The following DIAPH3 variants were observed in gnomAD, a reference collection of about 807,000 sequenced individuals.
DIAPH3 encodes diaphanous related formin 3, also known as protein diaphanous homolog 3.
Under a neutral mutation model 144.3 loss-of-function variants are expected in DIAPH3, and 117 were observed. The observed-to-expected ratio is 0.81, with a 90% CI of 0.70 to 0.95. DIAPH3 has a LOEUF of 0.95. Among genes scored for constraint, DIAPH3 ranks in the 40% least tolerant of loss-of-function variants. The probability of loss-of-function intolerance (pLI) is 0.00; values close to 1 mark genes in which losing one functional copy is unlikely to be tolerated. For missense variants in DIAPH3, 1,421 were observed against 1,412.7 expected, an observed-to-expected ratio of 1.01 and a Z score of -0.09; for synonymous variants, 519 against 488.9, an observed-to-expected ratio of 1.06 and a Z score of -0.81.
chr13:59,810,662 A>T, intron 25 of DIAPH3, 126 bp downstream of exon 25: 1 of 1,036,556 alleles, frequency 9.6e-7, no homozygotes, highest in Non-Finnish European at 1.4e-6. Context: ...GAATTGTTCT[A>T]TGGTTTAATT....
chr13:59,775,418 A>G (rs1175456051), intron 25 of DIAPH3, among the ~76,000 whole-genome samples: 4 of 151,706 alleles, frequency 2.6e-5, no homozygotes, highest in African/African-American at 9.7e-5. Flanking sequence ...AATTTTTTGT[A>G]TTTTTAGTAG....
chr13:59,870,642 AT>A (rs1413836241), intron 21 of DIAPH3, among the ~76,000 whole-genome samples: 1 of 144,872 alleles, frequency 6.9e-6, no homozygotes, highest in Non-Finnish European at 1.5e-5. Flanking sequence ...ATCTTCTTTG[AT>A]TTTTTTCAAA....
chr13:59,713,232 C>A (rs1279098625), intron 27 of DIAPH3, among the ~76,000 whole-genome samples: 1 of 149,782 alleles, frequency 6.7e-6, no homozygotes, highest in Admixed American at 6.6e-5. Context: ...CTGTAGTAAT[C>A]TGAAGGTTTT....
chr13:59,992,095 C>T lies in DIAPH3; in HGVS notation c.1217G>A (p.Arg406His), dbSNP rs374035547. 7 of 1,611,640 alleles carry T rather than the reference C, an allele frequency of 4.3e-6. No homozygotes were observed. Among genetic ancestry groups the T allele is most frequent in the South Asian group, 3.3e-5 (3 of 91,032 alleles). The change falls in exon 11 of 28, where the codon CGC (arginine) becomes CAC (histidine). Residue 406 changes from arginine (R) to histidine (H), a missense_variant. Coordinates refer to ENST00000400324, the MANE Select transcript of DIAPH3 (RefSeq NM_001042517.2). Reference sequence around the variant, plus strand: ...AAGTTCAGCTCTAATATCTTCAAGGCGATGGGATAACTCAAACAAATCTTC... The same window carrying T: ...AAGTTCAGCTCTAATATCTTCAAGGTGATGGGATAACTCAAACAAATCTTC... Reference protein sequence around the residue: ...KEEDLFELSHRLEDIRAELDE... With the variant: ...KEEDLFELSHHLEDIRAELDE...
chr13:59,997,558 T>C (rs1037233630), intron 9 of DIAPH3, among the ~76,000 whole-genome samples: 2 of 152,120 alleles, frequency 1.3e-5, no homozygotes, highest in African/African-American at 4.8e-5. Flanking sequence ...TTTGGGTGGA[T>C]ACTCGGTAAT....
intron 27 of DIAPH3, among the ~76,000 whole-genome samples, chr13:59,693,918 A>G (rs550943974): frequency 6.6e-6 from 1 of 152,176 alleles, no homozygotes; most frequent in Non-Finnish European, 1.5e-5. Context: ...TGTTTAGTAT[A>G]CAACCTTCTA....
intron 14 of DIAPH3, among the ~76,000 whole-genome samples, chr13:59,977,673 GA>G (rs2050754975): frequency 6.6e-6 from 1 of 151,648 alleles, no homozygotes; most frequent in South Asian, 2.1e-4. Context: ...TAATGACAAA[GA>G]AATGAAAAAA....
chr13:59,871,195 TGG>T lies in DIAPH3; in HGVS notation c.2607+8032_2607+8033del, dbSNP rs71089518. 1.7e-3 allele frequency among the ~76,000 whole-genome samples: 223 copies of T among 128,246 alleles called. No homozygotes were observed. The East Asian group carries it at 0.021, about 12-fold the overall frequency. 84.1% of individuals were successfully genotyped at this position (128,246 alleles called of 152,430 possible). On this transcript the variant is annotated intron_variant, in intron 21 of 27. Coordinates refer to ENST00000400324, the MANE Select transcript of DIAPH3 (RefSeq NM_001042517.2). ...AGGTTTATTTTTTGTCCATTTTTTT[TGG>T]GGGGGGGGGTGGCGGGCATTCTACA...
chr13:59,991,727 G>T (rs2051830585), intron 11 of DIAPH3, among the ~76,000 whole-genome samples: 1 of 151,986 alleles, frequency 6.6e-6, no homozygotes, highest in South Asian at 2.1e-4. Flanking sequence ...CACCCAAGAT[G>T]CAGGGAAAGA....
intron 3 of DIAPH3, among the ~76,000 whole-genome samples, chr13:60,098,623 A>G (rs1199479864): frequency 6.6e-6 from 1 of 151,848 alleles, no homozygotes; most frequent in African/African-American, 2.4e-5. Flanking sequence ...AACAGAATAA[A>G]TATAGAAACA....
At chr13:59,868,827 C>T (rs972201016) in intron 21 of DIAPH3, among the ~76,000 whole-genome samples, 3 of 152,090 alleles carry the variant, frequency 2.0e-5, no homozygotes, top group African/African-American at 7.2e-5. Context: ...CAGTAGATAG[C>T]CCTTCCAGTC....
intron 25 of DIAPH3, among the ~76,000 whole-genome samples, chr13:59,799,853 T>C (rs866582424): frequency 6.6e-6 from 1 of 152,188 alleles, no homozygotes; most frequent in Admixed American, 6.5e-5. Context: ...TTGATCTTTA[T>C]GAAAAGCAAA....
intron 4 of DIAPH3, among the ~76,000 whole-genome samples, chr13:60,070,637 A>T (rs2057171211): frequency 6.6e-6 from 1 of 152,136 alleles, no homozygotes; most frequent in Non-Finnish European, 1.5e-5. Flanking sequence ...CCAGATATTC[A>T]AGCCAATAAA....
intron 3 of DIAPH3, among the ~76,000 whole-genome samples, chr13:60,094,517 TG>T: frequency 6.6e-6 from 1 of 152,252 alleles, no homozygotes; most frequent in African/African-American, 2.4e-5. Flanking sequence ...AAGACAGAAA[TG>T]GCTAAAGGAG....
At chr13:60,121,254 A>T (rs764548174) in intron 2 of DIAPH3, among the ~76,000 whole-genome samples, 1 of 152,048 alleles carries the variant, frequency 6.6e-6, no homozygotes, top group Non-Finnish European at 1.5e-5. Context: ...TCCTATATGC[A>T]TAACTGAAAG....
intron 27 of DIAPH3, among the ~76,000 whole-genome samples, chr13:59,749,209 CAAA>C (rs71197276): frequency 4.0e-5 from 1 of 25,098 alleles, no homozygotes; most frequent in Non-Finnish European, 6.9e-5. Flanking sequence ...GACTCTGTCT[CAAA>C]AAAAAAAAAA....
At chr13:59,898,716 A>G (rs1378080738) in intron 20 of DIAPH3, among the ~76,000 whole-genome samples, 1 of 152,208 alleles carries the variant, frequency 6.6e-6, no homozygotes, top group Non-Finnish European at 1.5e-5. Context: ...TAGTGGACAG[A>G]GCGTAATACA....
intron 27 of DIAPH3, among the ~76,000 whole-genome samples, chr13:59,765,565 G>C (rs1765577068): frequency 6.6e-6 from 1 of 152,230 alleles, no homozygotes; most frequent in African/African-American, 2.4e-5. Context: ...AGACCTGTTT[G>C]ACCTCAAAGC....
intron 27 of DIAPH3, among the ~76,000 whole-genome samples, chr13:59,714,389 G>A (rs2034942263): frequency 6.7e-6 from 1 of 148,862 alleles, no homozygotes. Context: ...AAAAAAATTA[G>A]CTAGGCATGG....
Sources: allele counts gnomAD v4.1 joint callset (sites outside exome capture counted in the v4.1 genomes callset), GRCh38; gene constraint gnomAD v4.1.1; transcripts MANE v1.5; gene names NCBI Gene and HGNC (gene_info 2026-07-23, HGNC 2026-07-21).